Variants in RPS6KA6 observed in about 807,000 individuals in gnomAD.
The protein encoded by RPS6KA6 is ribosomal protein S6 kinase A6.
A neutral mutation model predicts 65.4 loss-of-function variants in RPS6KA6; 27 were observed. The ratio of observed to expected loss-of-function variants is 0.41; its 90% CI spans 0.30 to 0.57. The LOEUF is 0.57. RPS6KA6 is among the 20% of genes least tolerant of loss of function. The pLI, the probability that RPS6KA6 is intolerant of heterozygous loss-of-function variation, is 0.24. For synonymous variants in RPS6KA6, 190 were observed against 184.2 expected (o/e 1.03, Z -0.26); for missense variants, 486 against 555.6 (o/e 0.87, Z 1.26).
intron 10 of RPS6KA6, 43 bp downstream of exon 10, chrX:84,117,341 A>G (rs2147466157): frequency 1.1e-6 from 1 of 902,434 alleles, no homozygotes; most frequent in Admixed American, 3.6e-5. Flanking sequence ...ACTGAAAGCA[A>G]GAGATTTTTT....
intron 20 of RPS6KA6, among the ~76,000 whole-genome samples, chrX:84,068,446 C>A (rs1382788567): frequency 4.5e-5 from 5 of 111,641 alleles, no homozygotes; most frequent in Admixed American, 2.8e-4. Context: ...CTATTTATGA[C>A]AAACCCATAG....
chrX:84,172,985 T>G (rs1351720417), intron 1 of RPS6KA6, among the ~76,000 whole-genome samples: 1 of 110,826 alleles, frequency 9.0e-6, no homozygotes, highest in African/African-American at 3.3e-5. Flanking sequence ...AAAGCTTTTG[T>G]GTAACGTGTA....
chrX:84,145,434 A>T, intron 6 of RPS6KA6, 44 bp downstream of exon 6: 1 of 826,076 alleles, frequency 1.2e-6, no homozygotes. Flanking sequence ...GATTTTTCTT[A>T]GTTTTGTTTT....
chrX:84,128,750 G>A (rs921232475), intron 8 of RPS6KA6, among the ~76,000 whole-genome samples: 3 of 111,577 alleles, frequency 2.7e-5, no homozygotes, highest in Admixed American at 1.9e-4. Flanking sequence ...GGTAAAGGAC[G>A]GTGTGTTCAA....
At chrX:84,142,849 C>T (rs983505125) in intron 6 of RPS6KA6, among the ~76,000 whole-genome samples, 4 of 111,003 alleles carry the variant, frequency 3.6e-5, no homozygotes, top group Non-Finnish European at 7.6e-5. Flanking sequence ...AAATACTTTC[C>T]TATAAGAAAA....
intron 8 of RPS6KA6, among the ~76,000 whole-genome samples, chrX:84,123,152 G>T (rs1464278866): frequency 9.0e-6 from 1 of 111,556 alleles, no homozygotes; most frequent in Non-Finnish European, 1.9e-5. Flanking sequence ...TTCATTGCCT[G>T]CTGATTAACG....
At chrX:84,067,548 A>G (rs2098063436) in intron 20 of RPS6KA6, among the ~76,000 whole-genome samples, 1 of 112,102 alleles carries the variant, frequency 8.9e-6, no homozygotes, top group African/African-American at 3.2e-5. Context: ...CAAATTAATG[A>G]AACAAAACAT....
At chrX:84,165,668 T>C (rs774911315) in intron 1 of RPS6KA6, among the ~76,000 whole-genome samples, 9 of 111,443 alleles carry the variant, frequency 8.1e-5, no homozygotes, top group Non-Finnish European at 1.5e-4. Context: ...TCTTTTTTGA[T>C]GCTGAGTCCA....
intron 20 of RPS6KA6, among the ~76,000 whole-genome samples, chrX:84,070,903 C>T (rs2033529323): frequency 9.2e-6 from 1 of 108,905 alleles, no homozygotes; most frequent in Admixed American, 1.0e-4. Flanking sequence ...CCTATCTGCC[C>T]GAAACAACCA....
chrX:84,187,647 C>G (rs978104646), intron 1 of RPS6KA6, among the ~76,000 whole-genome samples, 172 bp downstream of exon 1: 1 of 112,255 alleles, frequency 8.9e-6, no homozygotes, highest in African/African-American at 3.2e-5. Context: ...CCCGAGCCCG[C>G]CGTCTCATCC....
In RPS6KA6 at chrX:84,106,977, G is replaced by C. The variant is rs1226323901; in HGVS notation, c.1175C>G (p.Ala392Gly). The part of the protein sequence containing the change: ...HQLFKGFSFV[A>G]TSIAEEYKIT... Reference sequence around the variant, plus strand: ...TTTATATTCTTCTGCAATAGAAGTTGCAACAAAGCTGAATCCTTTGAAGAG... The same window carrying C: ...TTTATATTCTTCTGCAATAGAAGTTCCAACAAAGCTGAATCCTTTGAAGAG... The change falls in exon 14 of 22, where the codon GCA becomes GGA. Residue 392 changes from alanine (A) to glycine (G), a missense_variant. Transcript: ENST00000262752. 1 of 1,199,298 alleles carries C rather than the reference G, an allele frequency of 8.3e-7. No homozygotes were observed. Among genetic ancestry groups the C allele is most frequent in the South Asian group, 1.8e-5 (1 of 55,908 alleles).
intron 20 of RPS6KA6, among the ~76,000 whole-genome samples, chrX:84,082,109 G>A: frequency 8.9e-6 from 1 of 111,805 alleles, no homozygotes; most frequent in Middle Eastern, 4.6e-3. Context: ...AATCAGGCAA[G>A]AGAAAGAAAT....
chrX:84,159,054 G>A, intron 2 of RPS6KA6, among the ~76,000 whole-genome samples: 1 of 110,713 alleles, frequency 9.0e-6, no homozygotes, highest in Non-Finnish European at 1.9e-5. Flanking sequence ...GTGCATACAT[G>A]CGTGCACACA....
intron 17 of RPS6KA6, among the ~76,000 whole-genome samples, chrX:84,104,192 T>C (rs748955057): frequency 2.3e-4 from 26 of 111,355 alleles, no homozygotes; most frequent in Non-Finnish European, 4.6e-4. Context: ...TCACTGTATG[T>C]CTTTGGTTAA....
chrX:84,132,205 T>G (rs2034909750), intron 8 of RPS6KA6, among the ~76,000 whole-genome samples: 1 of 110,685 alleles, frequency 9.0e-6, no homozygotes, highest in Non-Finnish European at 1.9e-5. Flanking sequence ...GGATGATTGC[T>G]TGAGGCCAGG....
At position 84,058,532 on chromosome X, in the gene RPS6KA6, AAC is replaced by A. The variant is rs1184610939; in HGVS notation, c.*5743_*5744del. ...CTTTAGCAGCATTGTGAGAGAAAGA[AAC>A]ATTGTAAAATGAACTACTGGATTTG... On this transcript the variant is annotated 3_prime_UTR_variant, in exon 22 of 22. Transcript: ENST00000262752. The A allele has an allele frequency of 8.9e-6, 1 of 112,272 alleles. No individual in the cohort carries two copies. Among genetic ancestry groups the A allele is most frequent in the Non-Finnish European group, 1.9e-5 (1 of 53,280 alleles). 9.3% of individuals were successfully genotyped at this position (112,272 alleles called of 1,213,427 possible). A position where few individuals can be genotyped will look rare whatever the true frequency, so the allele number is the denominator to read the frequency against.
At chrX:84,180,076 C>T (rs191881447) in intron 1 of RPS6KA6, among the ~76,000 whole-genome samples, 1 of 111,625 alleles carries the variant, frequency 9.0e-6, no homozygotes, top group East Asian at 2.8e-4. Flanking sequence ...GACATTCAGT[C>T]CACATTTCCC....
At chrX:84,131,825 AT>A (rs1394854204) in intron 8 of RPS6KA6, among the ~76,000 whole-genome samples, 1 of 111,635 alleles carries the variant, frequency 9.0e-6, no homozygotes, top group African/African-American at 3.3e-5. Context: ...TGGAAGGGTT[AT>A]TTTGGGGGGT....
In RPS6KA6 at chrX:84,061,776, C is replaced by A. The variant is rs1002022529; in HGVS notation, c.*2501G>T. The A allele has an allele frequency of 9.0e-6, 1 of 111,623 alleles. No individual in the cohort carries two copies. The highest frequency in any genetic ancestry group is 1.9e-5 in the Non-Finnish European group (1 of 53,004). The allele number at this position is 111,623 out of a possible 1,213,427, so 9.2% of individuals were successfully genotyped here. ...ACAATGCAAAATCATTATTCAAGAA[C>A]CCATTAGAAACCACAGTATTCTAAA... On this transcript the variant is annotated 3_prime_UTR_variant, in exon 22 of 22. Transcript: ENST00000262752.
Sources: allele counts gnomAD v4.1 joint callset (sites outside exome capture counted in the v4.1 genomes callset), GRCh38; gene constraint gnomAD v4.1.1; transcripts MANE v1.5; gene names NCBI Gene and HGNC (gene_info 2026-07-23, HGNC 2026-07-21).